The following PPARD variants were observed in gnomAD, a reference collection of about 807,000 sequenced individuals.
PPARD encodes the protein peroxisome proliferator-activated receptor delta.
PPARD carries 6 observed loss-of-function variants against 39.5 expected under a neutral mutation model. The ratio of observed to expected loss-of-function variants is 0.15; its 90% CI spans 0.08 to 0.30. The LOEUF (loss-of-function observed/expected upper bound fraction) is 0.30. Among genes scored for constraint, PPARD ranks in the 10% least tolerant of loss-of-function variants. The pLI, the probability that PPARD is intolerant of heterozygous loss-of-function variation, is 1.00. For missense variants in PPARD, 397 were observed against 596.8 expected (o/e 0.67, Z 3.49); for synonymous variants, 210 against 231.3 (o/e 0.91, Z 0.83).
intron 2 of PPARD, chr6:35,348,861 C>G: frequency 5.1e-6 from 5 of 985,372 alleles, no homozygotes; most frequent in Non-Finnish European, 6.0e-6. Flanking sequence ...AAAGTACCTC[C>G]TGAGCGGGGA....
At chr6:35,422,004 C>T in intron 5 of PPARD, 46 bp downstream of exon 5, 1 of 1,553,996 alleles carries the variant, frequency 6.4e-7, no homozygotes. Flanking sequence ...CTCCACACAG[C>T]CTGAAACCAA....
rs1353737356 is a variant in PPARD, at chr6:35,363,391, T to A, written c.-102+16241T>A. Among the ~76,000 whole-genome samples the A allele has an allele frequency of 1.3e-5, 2 of 152,244 alleles. No individual in the cohort carries two copies. Among genetic ancestry groups the A allele is most frequent in the East Asian group, 3.9e-4 (2 of 5,186 alleles). ...GTGAGACCCACTGGCTTCCTGTACG[T>A]CCCCTCAAAGCCTGCGCCACCGCCT... On this transcript the variant is annotated intron_variant, in intron 2 of 7. Coordinates refer to ENST00000360694, the MANE Select transcript of PPARD (RefSeq NM_006238.5). The surrounding 1 kb of genome is among the most constrained non-coding windows in gnomAD (Gnocchi z 4.5).
intron 3 of PPARD, among the ~76,000 whole-genome samples, chr6:35,416,880 T>TC (rs1216094380): frequency 6.6e-6 from 1 of 152,216 alleles, no homozygotes; most frequent in Non-Finnish European, 1.5e-5. Context: ...TATCTCTTTC[T>TC]CTTTTTTTTT....
intron 2 of PPARD, among the ~76,000 whole-genome samples, chr6:35,387,225 TTC>T (rs1376022182): frequency 6.6e-6 from 1 of 152,036 alleles, no homozygotes; most frequent in Non-Finnish European, 1.5e-5. Flanking sequence ...GGATGTTTTC[TTC>T]TCTCTGCTTT....
At chr6:35,364,844 G>A (rs1762111224) in intron 2 of PPARD, among the ~76,000 whole-genome samples, 1 of 151,764 alleles carries the variant, frequency 6.6e-6, no homozygotes, top group South Asian at 2.1e-4. Flanking sequence ...CGAGTAGCTG[G>A]GACTACAGGC....
chr6:35,347,155 T>G lies in PPARD; in HGVS notation c.-102+5T>G. ...GAAGACAGATGCACCAACGAGGTAA[T>G]CCCATTTTCTTTACTCAGGGGTCTC... is the stretch of plus-strand genomic sequence containing the variant. On this transcript the variant is annotated splice_donor_5th_base_variant and intron_variant, in intron 2 of 7. Transcript: ENST00000360694. 1 of 1,535,906 alleles carries G rather than the reference T, an allele frequency of 6.5e-7. No individual in the cohort carries two copies. Among genetic ancestry groups the G allele is most frequent in the Non-Finnish European group, 8.7e-7 (1 of 1,146,756 alleles).
In PPARD at chr6:35,419,545, G is replaced by A. The variant is rs1181800703; in HGVS notation, c.131-582G>A. 5.9e-5 allele frequency among the ~76,000 whole-genome samples: 9 copies of A among 152,320 alleles called. No individual in the cohort carries two copies. In the South Asian group the frequency reaches 1.9e-3, roughly 32 times the overall value. ...ATACCTAAGCTGTTCTACTCAAGAAGTTTTCATGGGAATGAACTTGAGCTT... is the reference window on the plus strand; with the variant it reads ...ATACCTAAGCTGTTCTACTCAAGAAATTTTCATGGGAATGAACTTGAGCTT... On this transcript the variant is annotated intron_variant, in intron 3 of 7. Transcript: ENST00000360694.
intron 2 of PPARD, among the ~76,000 whole-genome samples, chr6:35,399,419 A>T (rs1198018329): frequency 6.9e-6 from 1 of 144,512 alleles, no homozygotes; most frequent in South Asian, 2.3e-4. Context: ...AAAAAAAAAA[A>T]CAAAGGCTGG....
intron 2 of PPARD, among the ~76,000 whole-genome samples, chr6:35,369,913 G>A (rs1762394444): frequency 6.6e-6 from 1 of 152,136 alleles, no homozygotes; most frequent in Admixed American, 6.5e-5. Flanking sequence ...CCTGGCACTT[G>A]GTAGGTATTC....
At chr6:35,369,553 A>G (rs1185837646) in intron 2 of PPARD, among the ~76,000 whole-genome samples, 1 of 152,232 alleles carries the variant, frequency 6.6e-6, no homozygotes, top group East Asian at 1.9e-4. Flanking sequence ...TATAAATGGG[A>G]TCATACAATA....
rs539295217 is a variant in PPARD at position 35,366,097 on chromosome 6, A to G, written c.-102+18947A>G. On this transcript the variant is annotated intron_variant, in intron 2 of 7. Transcript: ENST00000360694. This position sits in a 1 kb window ranked among gnomAD's most constrained non-coding sequence, Gnocchi z 4.6. ...AAAAGAACAACAGCTCAGGTGTGAC[A>G]GGGGAAATGAAGAGTATTAGTTATC... 2.6e-5 allele frequency among the ~76,000 whole-genome samples: 4 copies of G among 151,982 alleles called. No individual in the cohort carries two copies. The highest frequency in any genetic ancestry group is 4.4e-5 in the Non-Finnish European group (3 of 68,038).
At chr6:35,357,538 C>CTTT (rs752463569) in intron 2 of PPARD, among the ~76,000 whole-genome samples, 6 of 140,478 alleles carry the variant, frequency 4.3e-5, no homozygotes, top group African/African-American at 2.6e-5. Flanking sequence ...CCACTGCCTA[C>CTTT]TTTTTTTTTT....
At chr6:35,364,480 C>A (rs1762082455) in intron 2 of PPARD, among the ~76,000 whole-genome samples, 1 of 145,284 alleles carries the variant, frequency 6.9e-6, no homozygotes, top group South Asian at 2.1e-4. Flanking sequence ...GTTGCCCAGG[C>A]TGGAGTGCAG....
intron 2 of PPARD, among the ~76,000 whole-genome samples, chr6:35,361,597 T>C (rs866992310): frequency 1.3e-5 from 2 of 152,206 alleles, no homozygotes; most frequent in South Asian, 4.1e-4. Flanking sequence ...AGTCCAGTGA[T>C]TGTTTGTGGA....
At chr6:35,378,776 T>TTAAGATTTCTACCC (rs1478797308) in intron 2 of PPARD, among the ~76,000 whole-genome samples, 24 of 152,126 alleles carry the variant, frequency 1.6e-4, no homozygotes, top group African/African-American at 5.6e-4. Context: ...TCTGACCTCG[T>TTAAGATTTCTACCC]TAAGATTTCT....
intron 2 of PPARD, among the ~76,000 whole-genome samples, chr6:35,385,270 T>A (rs1763549983): frequency 6.7e-6 from 1 of 150,086 alleles, no homozygotes; most frequent in African/African-American, 2.5e-5. Context: ...CATGGGAGAC[T>A]TTTCATTTTG....
Position 35,403,874 on chromosome 6 carries a change from C to G in PPARD, c.-101-7113C>G, listed in dbSNP as rs1581636742. Among the ~76,000 whole-genome samples, 5 of 152,166 alleles carry G rather than the reference C, an allele frequency of 3.3e-5. No individual in the cohort carries two copies. The South Asian group carries it at 1.0e-3, about 31-fold the overall frequency. ...AGGTGCCAGTTCAAGCCTCCATGCTCAGGGAGTGATGTGGGATCATGAGGC... is the reference window on the plus strand; with the variant it reads ...AGGTGCCAGTTCAAGCCTCCATGCTGAGGGAGTGATGTGGGATCATGAGGC... On this transcript the variant is annotated intron_variant, in intron 2 of 7. Coordinates refer to ENST00000360694, the MANE Select transcript of PPARD (RefSeq NM_006238.5).
At chr6:35,387,325 T>C (rs577540777) in intron 2 of PPARD, among the ~76,000 whole-genome samples, 1 of 152,328 alleles carries the variant, frequency 6.6e-6, no homozygotes, top group South Asian at 2.1e-4. Context: ...TGCCCATGGT[T>C]TACCCTCAGG....
chr6:35,368,877 A>T (rs1282692760), intron 2 of PPARD, among the ~76,000 whole-genome samples: 1 of 152,202 alleles, frequency 6.6e-6, no homozygotes, highest in Non-Finnish European at 1.5e-5. Context: ...CAGTCAGCAG[A>T]CACTCCCTAA....
Sources: gnomAD v4.1 joint callset for allele counts (sites outside exome capture counted in the v4.1 genomes callset) on GRCh38, gnomAD v4.1.1 for gene constraint, Gnocchi (gnomAD v3.1) non-coding constraint, MANE v1.5 for transcripts, NCBI Gene and HGNC (gene_info 2026-07-23, HGNC 2026-07-21) for gene names.